ERICH3: variants seen among roughly 807,000 people sequenced by gnomAD.
The protein encoded by ERICH3 is glutamate-rich protein 3.
In ERICH3, 126 loss-of-function variants were observed where a neutral mutation model predicts 131.1. The ratio of observed to expected loss-of-function variants is 0.96; its 90% confidence interval spans 0.83 to 1.11. The LOEUF is 1.11. Ranked by LOEUF, ERICH3 falls within the 50% of genes most tolerant of loss-of-function variation. The pLI, the probability that ERICH3 is intolerant of heterozygous loss-of-function variation, is 0.00. For missense variants in ERICH3, 2,050 were observed against 1,810.7 expected (o/e 1.13, Z -2.40); for synonymous variants, 695 against 644.6 (o/e 1.08, Z -1.18).
Position 74,568,787 on chromosome 1 carries a change from T to C in ERICH3, c.*1671A>G, listed in dbSNP as rs1557649190. On this transcript the variant is annotated 3_prime_UTR_variant, in exon 15 of 15. Transcript: ENST00000326665. Reference sequence around the variant, plus strand: ...AGTTCAAAATGCCTCTGTAGTTGGCTTTCCAACTGAGACTAATCCTCAATA... The same window carrying C: ...AGTTCAAAATGCCTCTGTAGTTGGCCTTCCAACTGAGACTAATCCTCAATA... 1 of 152,220 alleles carries C rather than the reference T, an allele frequency of 6.6e-6. No individual in the cohort carries two copies. The highest frequency in any genetic ancestry group is 2.4e-5 in the African/African-American group (1 of 41,458). The allele number at this position is 152,220 out of a possible 1,614,324, so 9.4% of individuals were successfully genotyped here.
chr1:74,571,681 T>TAG lies in ERICH3; in HGVS notation c.4027_4028dup (p.His1344TyrfsTer29), dbSNP rs1172315017. On this transcript the variant is annotated frameshift_variant, in exon 14 of 15. Transcript: ENST00000326665. LOFTEE classifies it high-confidence loss of function. ...TTTCTGCCGTTTCACCACCTCCGTGTAGAACTTCCACAGCCACAACCCTTC... is the reference window on the plus strand; with the variant it reads ...TTTCTGCCGTTTCACCACCTCCGTGTAGAGAACTTCCACAGCCACAACCCTTC... 2 of 1,614,130 alleles carry TAG rather than the reference T, an allele frequency of 1.2e-6. No homozygotes were observed. The highest frequency in any genetic ancestry group is 1.7e-6 in the Non-Finnish European group (2 of 1,180,014).
In ERICH3 at chr1:74,641,430, A is replaced by G; in HGVS notation, c.345T>C (p.Asn115=). Residue 115 remains asparagine, a synonymous_variant, in exon 5 of 15, where the codon AAT becomes AAC. Transcript: ENST00000326665. ...GGTGGGGAGACAGGATTGGCATGTT[A>G]TTTTCAACAGACCTTCTTGTGTGCT... ...KGEHTRRSVE[N]NMPILSPHPP... is the part of the protein sequence containing the mutation. 1 of 1,610,824 alleles carries G rather than the reference A, an allele frequency of 6.2e-7. No homozygotes were observed. Among genetic ancestry groups the G allele is most frequent in the South Asian group, 1.1e-5 (1 of 90,384 alleles).
At chr1:74,652,083 T>A (rs1646540403) in intron 1 of ERICH3, among the ~76,000 whole-genome samples, 1 of 152,180 alleles carries the variant, frequency 6.6e-6, no homozygotes, top group African/African-American at 2.4e-5. Context: ...CTTCCACAAC[T>A]ATCACCATAT....
chr1:74,575,672 T>A (rs150499556), intron 13 of ERICH3, among the ~76,000 whole-genome samples: 38 of 152,326 alleles, frequency 2.5e-4, no homozygotes, highest in African/African-American at 8.9e-4. Context: ...TTAAAGAAAG[T>A]CTTCTGTTTT....
At chr1:74,582,462 C>A (rs1363536011) in intron 12 of ERICH3, among the ~76,000 whole-genome samples, 3 of 151,890 alleles carry the variant, frequency 2.0e-5, no homozygotes, top group African/African-American at 7.2e-5. Context: ...ATTTAAAATA[C>A]AACAGGGAAA....
chr1:74,673,635 C>A lies in ERICH3; in HGVS notation c.-116G>T. On this transcript the variant is annotated 5_prime_UTR_variant, in exon 1 of 15. It adds an upstream start codon to the 5' untranslated region. Transcript: ENST00000326665. Reference sequence around the variant, plus strand: ...AGGGGTGGCTCCGCACCGAGGTCCCCTGTGCGCGGGCACCTGGGCTGGGCC... The same window carrying A: ...AGGGGTGGCTCCGCACCGAGGTCCCATGTGCGCGGGCACCTGGGCTGGGCC... The A allele has an allele frequency of 8.3e-7, 1 of 1,200,272 alleles. No individual in the cohort carries two copies. The allele number at this position is 1,200,272 out of a possible 1,614,324, so 74.4% of individuals were successfully genotyped here. A position where few individuals can be genotyped will look rare whatever the true frequency, so the allele number is the denominator to read the frequency against.
chr1:74,590,104 A>G (rs1647518357), intron 11 of ERICH3, 24 bp from the exon 12 acceptor site: 1 of 1,522,414 alleles, frequency 6.6e-7, no homozygotes, highest in Non-Finnish European at 8.9e-7. Flanking sequence ...AAGTGATGAC[A>G]TTGTTGTTGT....
At chr1:74,598,453 T>C (rs1271979344) in intron 11 of ERICH3, among the ~76,000 whole-genome samples, 1 of 151,678 alleles carries the variant, frequency 6.6e-6, no homozygotes, top group Non-Finnish European at 1.5e-5. Flanking sequence ...ACAAACAAGA[T>C]AAATAGATTA....
chr1:74,632,173 T>C (rs574930673), intron 6 of ERICH3, among the ~76,000 whole-genome samples: 87 of 152,250 alleles, frequency 5.7e-4, no homozygotes, highest in African/African-American at 2.0e-3. Flanking sequence ...TTTATAGTAC[T>C]TTTGGGGTTT....
At chr1:74,663,162 A>C (rs765157536) in intron 1 of ERICH3, among the ~76,000 whole-genome samples, 1 of 152,150 alleles carries the variant, frequency 6.6e-6, no homozygotes, top group Non-Finnish European at 1.5e-5. Context: ...ATGTACCATC[A>C]ATATTATAAG....
Position 74,645,391 on chromosome 1 carries a change from CTATTA to C in ERICH3, c.243+1271_243+1275del, listed in dbSNP as rs527280915. On this transcript the variant is annotated intron_variant, in intron 3 of 14. Coordinates refer to ENST00000326665, the MANE Select transcript of ERICH3 (RefSeq NM_001002912.5). Reference sequence around the variant, plus strand: ...ATTTAAAGATAAATATTGTTTTTTTCTATTATGTTTATATATTATTTATTCTATTA... The same window carrying C: ...ATTTAAAGATAAATATTGTTTTTTTCTGTTTATATATTATTTATTCTATTA... 2.4e-3 allele frequency among the ~76,000 whole-genome samples: 356 copies of C among 151,468 alleles called. 3 individuals are homozygous for C. Among genetic ancestry groups the C allele is most frequent in the Non-Finnish European group, 6.9e-4 (47 of 67,858 alleles).
At chr1:74,614,696 T>C (rs922144433) in intron 8 of ERICH3, among the ~76,000 whole-genome samples, 7 of 150,660 alleles carry the variant, frequency 4.6e-5, no homozygotes, top group Non-Finnish European at 8.9e-5. Flanking sequence ...AAAAAAACTC[T>C]ACACTAGATG....
intron 1 of ERICH3, among the ~76,000 whole-genome samples, chr1:74,650,854 G>T (rs1646527270): frequency 6.6e-6 from 1 of 151,880 alleles, no homozygotes. Flanking sequence ...GTGTGTGTGT[G>T]TGTGTGTGTG....
intron 11 of ERICH3, chr1:74,592,263 T>C (rs1286036914): frequency 6.6e-6 from 1 of 152,178 alleles, no homozygotes; most frequent in African/African-American, 2.4e-5. Flanking sequence ...TTCTTTATTC[T>C]CCATTTTATA....
At chr1:74,637,360 G>A (rs1646398866) in intron 5 of ERICH3, among the ~76,000 whole-genome samples, 1 of 152,114 alleles carries the variant, frequency 6.6e-6, no homozygotes, top group African/African-American at 2.4e-5. Flanking sequence ...TCCCCCATTA[G>A]GCCTGGGTGC....
chr1:74,600,935 T>A (rs796968214), intron 10 of ERICH3, among the ~76,000 whole-genome samples: 3 of 151,708 alleles, frequency 2.0e-5, no homozygotes, highest in Non-Finnish European at 4.4e-5. Flanking sequence ...GTAATTTACT[T>A]GAGAGCTGTC....
chr1:74,651,902 G>A (rs1328166695), intron 1 of ERICH3, among the ~76,000 whole-genome samples: 4 of 152,130 alleles, frequency 2.6e-5, no homozygotes, highest in Admixed American at 6.5e-5. Flanking sequence ...GGTAGCACCT[G>A]ATTTTAATTC....
rs1013467160 is a variant in ERICH3, at chr1:74,673,697, C to G, written c.-178G>C. 28 of 488,144 alleles carry G rather than the reference C, an allele frequency of 5.7e-5. No individual in the cohort carries two copies. Among genetic ancestry groups the G allele is most frequent in the African/African-American group, 5.5e-4 (27 of 48,778 alleles). The allele number at this position is 488,144 out of a possible 1,614,324, so 30.2% of individuals were successfully genotyped here. A position where few individuals can be genotyped will look rare whatever the true frequency, so the allele number is the denominator to read the frequency against. The stretch of plus-strand genomic sequence containing the variant: ...TGGGCGCCCGGGCTACCCGCAGCCT[C>G]CCGGGCTCCCACCCTCCGTTGGTAT... On this transcript the variant is annotated 5_prime_UTR_variant, in exon 1 of 15. Coordinates refer to ENST00000326665, the MANE Select transcript of ERICH3 (RefSeq NM_001002912.5).
intron 8 of ERICH3, among the ~76,000 whole-genome samples, chr1:74,616,876 A>G (rs2100604355): frequency 1.3e-5 from 2 of 152,302 alleles, no homozygotes; most frequent in Middle Eastern, 6.8e-3. Context: ...TGACAGAGTT[A>G]AGAAGAATGC....
Sources: allele counts gnomAD v4.1 joint callset (sites outside exome capture counted in the v4.1 genomes callset), GRCh38; gene constraint gnomAD v4.1.1; transcripts MANE v1.5; gene names NCBI Gene and HGNC (gene_info 2026-07-23, HGNC 2026-07-21).